The following COL26A1 variants were observed in gnomAD, a reference collection of about 807,000 sequenced individuals.
COL26A1 encodes the protein collagen alpha-1(XXVI) chain.
COL26A1 carries 41 observed loss-of-function variants against 59.3 expected under a neutral mutation model. The ratio of observed to expected loss-of-function variants is 0.69; its 90% confidence interval spans 0.54 to 0.90. The LOEUF (loss-of-function observed/expected upper bound fraction) is 0.90. Among genes scored for constraint, COL26A1 ranks in the 40% least tolerant of loss-of-function variants. The pLI is 0.00. For missense variants in COL26A1, 612 were observed against 602.3 expected, an observed-to-expected ratio of 1.02 and a Z score of -0.17; for synonymous variants, 266 against 256.0, an observed-to-expected ratio of 1.04 and a Z score of -0.37.
chr7:101,501,217 G>GAAAAAAAAAAAAAA (rs111556828), intron 3 of COL26A1, among the ~76,000 whole-genome samples: 2 of 113,026 alleles, frequency 1.8e-5, no homozygotes, highest in Non-Finnish European at 3.5e-5. Context: ...GAAAAGAAAA[G>GAAAAAAAAAAAAAA]AAAAAAAAAA....
At chr7:101,463,000 C>T (rs938905570) in intron 3 of COL26A1, among the ~76,000 whole-genome samples, 5 of 152,098 alleles carry the variant, frequency 3.3e-5, no homozygotes, top group Non-Finnish European at 4.4e-5. Context: ...AAGAGAGGTC[C>T]AAGTTTCCTA....
chr7:101,520,465 G>T (rs1326205538), intron 3 of COL26A1, among the ~76,000 whole-genome samples: 1 of 152,112 alleles, frequency 6.6e-6, no homozygotes, highest in Non-Finnish European at 1.5e-5. Context: ...TGGGAGAATT[G>T]CTTGCGGCCA....
At chr7:101,367,397 G>C (rs1392580029) in intron 1 of COL26A1, among the ~76,000 whole-genome samples, 1 of 152,170 alleles carries the variant, frequency 6.6e-6, no homozygotes, top group Non-Finnish European at 1.5e-5. Flanking sequence ...AGGTGCGGTG[G>C]CTCATGCCTG....
intron 3 of COL26A1, among the ~76,000 whole-genome samples, chr7:101,489,759 T>C (rs199535372): frequency 0.012 from 50 of 4,056 alleles, 6 homozygotes; most frequent in East Asian, 0.099. Context: ...CTTGTCTCTC[T>C]TTCTTTCTTT....
chr7:101,389,020 C>A (rs1041193822), intron 1 of COL26A1: 4 of 297,588 alleles, frequency 1.3e-5, no homozygotes, highest in Non-Finnish European at 2.6e-5. Flanking sequence ...GGCTTTTTAG[C>A]CTTGAGGTGA....
At chr7:101,383,988 G>A (rs1438568606) in intron 1 of COL26A1, among the ~76,000 whole-genome samples, 1 of 151,730 alleles carries the variant, frequency 6.6e-6, no homozygotes, top group Middle Eastern at 3.4e-3. Context: ...TTTTTTTAAG[G>A]AAGGCAATAT....
At chr7:101,407,729 CT>C (rs970067847) in intron 1 of COL26A1, among the ~76,000 whole-genome samples, 2 of 151,880 alleles carry the variant, frequency 1.3e-5, no homozygotes, top group African/African-American at 2.4e-5. Flanking sequence ...AACATACCCC[CT>C]AGCACCATAA....
chr7:101,410,204 C>T (rs546550991), intron 1 of COL26A1, among the ~76,000 whole-genome samples: 25 of 152,174 alleles, frequency 1.6e-4, no homozygotes, highest in Non-Finnish European at 2.9e-4. Flanking sequence ...TCATGGATTG[C>T]TGGGCCAGCT....
chr7:101,551,093 TTTGG>T lies in COL26A1; in HGVS notation c.994-12_994-9del, dbSNP rs1268132670. On this transcript the variant is annotated splice_polypyrimidine_tract_variant and intron_variant, in intron 9 of 12. Transcript: ENST00000313669. ...GGACCGGCAGGCCTCACACGCTTCC[TTTGG>T]TTTTCTGCAGGGCCTGGCTGGAGAG... 1 of 1,554,392 alleles carries T rather than the reference TTTGG, an allele frequency of 6.4e-7. No homozygotes were observed. The highest frequency in any genetic ancestry group is 1.4e-5 in the African/African-American group (1 of 73,246).
intron 3 of COL26A1, among the ~76,000 whole-genome samples, chr7:101,495,714 C>T (rs115521841): frequency 0.046 from 6,950 of 151,212 alleles, 542 homozygotes; most frequent in African/African-American, 0.16. Flanking sequence ...CCACCGCGCC[C>T]GGCCAGCGTA....
chr7:101,539,372 C>G (rs1200178173), intron 4 of COL26A1, among the ~76,000 whole-genome samples: 3 of 150,612 alleles, frequency 2.0e-5, no homozygotes, highest in Admixed American at 1.3e-4. Context: ...TAGATGTGGT[C>G]TCGATCTGTC....
At chr7:101,435,821 G>A (rs1792901192) in intron 2 of COL26A1, among the ~76,000 whole-genome samples, 2 of 152,300 alleles carry the variant, frequency 1.3e-5, no homozygotes, top group South Asian at 4.1e-4. Context: ...ACCTTTTCCA[G>A]ATGTGCTGAG....
intron 7 of COL26A1, 29 bp from the exon 8 acceptor site, chr7:101,547,127 G>T (rs1418229647): frequency 6.5e-7 from 1 of 1,532,012 alleles, no homozygotes; most frequent in Non-Finnish European, 8.8e-7. Flanking sequence ...TGCCCCACCA[G>T]ACCCCTGGCC....
In COL26A1 at chr7:101,549,281, G is replaced by C. The variant is rs550097233; in HGVS notation, c.993+58G>C. 1.5e-5 allele frequency: 19 copies of C among 1,239,972 alleles called. No individual in the cohort carries two copies. The South Asian group carries it at 2.1e-4, about 14-fold the overall frequency. The allele number at this position is 1,239,972 out of a possible 1,614,324, so 76.8% of individuals were successfully genotyped here. ...GAGGCGGCGGGTGGCGGGTGGCCTT[G>C]TCTCCCTAGGGGAGAAGAAGCACCT... On this transcript the variant is annotated intron_variant, in intron 9 of 12. Transcript: ENST00000313669.
intron 3 of COL26A1, among the ~76,000 whole-genome samples, chr7:101,521,055 G>A (rs982626092): frequency 1.3e-5 from 2 of 152,222 alleles, no homozygotes; most frequent in South Asian, 2.1e-4. Context: ...GGCTGGGGAG[G>A]CCTCAGGAAA....
In COL26A1 at chr7:101,557,696, C is replaced by G. The variant is rs1796014431; in HGVS notation, c.*166C>G. 1.5e-6 allele frequency: 1 copy of G among 684,810 alleles called. No individual in the cohort carries two copies. Among genetic ancestry groups the G allele is most frequent in the Non-Finnish European group, 2.3e-6 (1 of 425,636 alleles). 42.4% of individuals were successfully genotyped at this position (684,810 alleles called of 1,614,324 possible). A position where few individuals can be genotyped will look rare whatever the true frequency, so the allele number is the denominator to read the frequency against. On this transcript the variant is annotated 3_prime_UTR_variant, in exon 13 of 13. Coordinates refer to ENST00000313669, the MANE Select transcript of COL26A1 (RefSeq NM_001278563.3). Reference sequence around the variant, plus strand: ...CAGATAATGTCTCCAGGGGCAGGGTCTGGAGGGGCCAACACCCTCATCAGA... The same window carrying G: ...CAGATAATGTCTCCAGGGGCAGGGTGTGGAGGGGCCAACACCCTCATCAGA...
chr7:101,394,724 A>G (rs1791814248), intron 1 of COL26A1, among the ~76,000 whole-genome samples: 1 of 148,764 alleles, frequency 6.7e-6, no homozygotes, highest in Non-Finnish European at 1.5e-5. Flanking sequence ...CGCCCGGCCA[A>G]CCACACTCTT....
rs139502741 is a variant in COL26A1 at position 101,548,933 on chromosome 7, C to G, written c.941-238C>G. On this transcript the variant is annotated intron_variant, in intron 8 of 12. Transcript: ENST00000313669. ...CCGGGTCTCGGGATTGGGGCTGCGT[C>G]GTGGACGAGGCCCTGGGAGGAGGAG... Among the ~76,000 whole-genome samples, 983 of 152,220 alleles carry G rather than the reference C, an allele frequency of 6.5e-3. 17 individuals are homozygous for G. The highest frequency in any genetic ancestry group is 0.022 in the African/African-American group (929 of 41,532).
At chr7:101,365,163 C>G (rs938544066) in intron 1 of COL26A1, among the ~76,000 whole-genome samples, 1 of 152,164 alleles carries the variant, frequency 6.6e-6, no homozygotes, top group Admixed American at 6.6e-5. Flanking sequence ...GGAGCATTCT[C>G]CAAACACCCA....
Sources: allele counts gnomAD v4.1 joint callset (sites outside exome capture counted in the v4.1 genomes callset), GRCh38; gene constraint gnomAD v4.1.1; transcripts MANE v1.5; gene names NCBI Gene and HGNC (gene_info 2026-07-23, HGNC 2026-07-21).